The following MTSS1 variants were observed in gnomAD, a reference collection of about 807,000 sequenced individuals.
MTSS1 encodes the protein MTSS I-BAR domain containing 1.
In MTSS1, 18 loss-of-function variants were observed where a neutral mutation model predicts 79.0. The observed-to-expected ratio is 0.23, with a 90% confidence interval of 0.16 to 0.34. The LOEUF is 0.34. Among genes scored for constraint, MTSS1 ranks in the 10% least tolerant of loss-of-function variants. The probability of loss-of-function intolerance (pLI) is 1.00; values close to 1 mark genes in which losing one functional copy is unlikely to be tolerated. For synonymous variants in MTSS1, 341 were observed against 368.6 expected (o/e 0.93, Z 0.86); for missense variants, 815 against 986.2 (o/e 0.83, Z 2.33).
intron 3 of MTSS1, among the ~76,000 whole-genome samples, chr8:124,647,260 CTAGATT>C (rs1819167625): frequency 6.6e-6 from 1 of 152,130 alleles, no homozygotes; most frequent in South Asian, 2.1e-4. Context: ...TTGGATACAT[CTAGATT>C]TAGAGTTTTT....
chr8:124,661,617 G>A (rs1055364918), intron 3 of MTSS1, among the ~76,000 whole-genome samples: 7 of 152,176 alleles, frequency 4.6e-5, no homozygotes, highest in African/African-American at 1.7e-4. Context: ...GGAGAGGCAC[G>A]AAGCAGAGCC....
At chr8:124,603,883 A>G (rs1172217678) in intron 3 of MTSS1, among the ~76,000 whole-genome samples, 1 of 152,190 alleles carries the variant, frequency 6.6e-6, no homozygotes, top group Non-Finnish European at 1.5e-5. Flanking sequence ...GGTGTGTCCA[A>G]TCTTTTGGCT....
At chr8:124,712,690 T>A (rs1831344372) in intron 1 of MTSS1, among the ~76,000 whole-genome samples, 1 of 152,182 alleles carries the variant, frequency 6.6e-6, no homozygotes, top group Non-Finnish European at 1.5e-5. Context: ...TCCCTGTCCA[T>A]CAAGCGGATG....
chr8:124,686,476 G>C (rs1246639843), intron 3 of MTSS1, among the ~76,000 whole-genome samples: 1 of 152,128 alleles, frequency 6.6e-6, no homozygotes, highest in Admixed American at 6.6e-5. Context: ...ATGAAACAAT[G>C]CATGGACTGT....
chr8:124,725,097 C>G (rs1449702038), intron 1 of MTSS1, among the ~76,000 whole-genome samples: 1 of 152,202 alleles, frequency 6.6e-6, no homozygotes, highest in Admixed American at 6.5e-5. Flanking sequence ...ACCAGGCTTC[C>G]TCTCGTCAAG....
intron 1 of MTSS1, among the ~76,000 whole-genome samples, chr8:124,707,322 G>T (rs1358176771): frequency 6.7e-5 from 7 of 104,200 alleles, no homozygotes; most frequent in African/African-American, 2.3e-4. Context: ...TGAGGCAGGA[G>T]GATCACTTGA....
intron 3 of MTSS1, among the ~76,000 whole-genome samples, chr8:124,638,977 T>C (rs548902261): frequency 2.6e-5 from 4 of 152,202 alleles, no homozygotes; most frequent in Non-Finnish European, 4.4e-5. Context: ...TTACTACACA[T>C]TGTCACAACA....
chr8:124,696,640 C>G (rs1564013396), intron 3 of MTSS1, among the ~76,000 whole-genome samples: 1 of 152,074 alleles, frequency 6.6e-6, no homozygotes, highest in African/African-American at 2.4e-5. Context: ...ATCATGAGGT[C>G]AGGAGTTCGA....
At chr8:124,609,679 C>T (rs1029580505) in intron 3 of MTSS1, among the ~76,000 whole-genome samples, 1 of 152,182 alleles carries the variant, frequency 6.6e-6, no homozygotes, top group Non-Finnish European at 1.5e-5. Context: ...TACTGCTCCA[C>T]GGGCCTGTGT....
intron 3 of MTSS1, among the ~76,000 whole-genome samples, chr8:124,666,603 A>C (rs1472538851): frequency 6.6e-6 from 1 of 152,174 alleles, no homozygotes; most frequent in African/African-American, 2.4e-5. Flanking sequence ...CTGAGTGACT[A>C]TGTACCTTTC....
Position 124,553,152 on chromosome 8 carries a change from G to T in MTSS1, c.2108C>A (p.Pro703Gln), listed in dbSNP as rs138145251. 8.4e-4 allele frequency: 1,349 copies of T among 1,614,172 alleles called. 12 individuals are homozygous for T. The African/African-American group carries it at 0.014, about 17-fold the overall frequency. ...SEAEDQEREP[P>Q]SATVSPGQIP... The stretch of plus-strand genomic sequence containing the variant: ...CTGGCCTGGGGAGACAGTGGCACTT[G>T]GGGGTTCCCGTTCCTGGTCTTCAGC... Residue 703 changes from proline (P) to glutamine (Q), a missense_variant, in exon 14 of 14, where the codon CCA (proline) becomes CAA (glutamine). Physicochemically the swap from Pro to Gln is moderately conservative, Grantham distance 76 (BLOSUM62 -1). Transcript: ENST00000518547. The surrounding 1 kb of genome is among the most constrained non-coding windows in gnomAD (Gnocchi z 6.0).
intron 3 of MTSS1, among the ~76,000 whole-genome samples, chr8:124,645,219 A>G (rs1216329159): frequency 6.6e-6 from 1 of 152,064 alleles, no homozygotes; most frequent in Non-Finnish European, 1.5e-5. Context: ...AAACAAAAAC[A>G]AAAACGAAAA....
At chr8:124,602,707 G>A (rs1300615673) in intron 3 of MTSS1, among the ~76,000 whole-genome samples, 1 of 152,178 alleles carries the variant, frequency 6.6e-6, no homozygotes, top group Non-Finnish European at 1.5e-5. Flanking sequence ...ACCTCGGCTA[G>A]AGGTGGGTAC....
At chr8:124,650,732 G>C (rs986828629) in intron 3 of MTSS1, among the ~76,000 whole-genome samples, 1 of 152,204 alleles carries the variant, frequency 6.6e-6, no homozygotes, top group African/African-American at 2.4e-5. Context: ...GGAAACTGAA[G>C]CTGAGAATGA....
intron 3 of MTSS1, chr8:124,619,506 C>A (rs929178161): frequency 1.3e-5 from 2 of 152,360 alleles, no homozygotes; most frequent in African/African-American, 4.8e-5. Context: ...GGGCTCCCCT[C>A]TCTTGCACGG....
At chr8:124,648,514 C>T (rs1456283210) in intron 3 of MTSS1, among the ~76,000 whole-genome samples, 1 of 152,126 alleles carries the variant, frequency 6.6e-6, no homozygotes, top group Non-Finnish European at 1.5e-5. Flanking sequence ...CCCATCACAG[C>T]TCCTTAGTAG....
intron 3 of MTSS1, among the ~76,000 whole-genome samples, chr8:124,636,462 T>C (rs1320911055): frequency 1.3e-5 from 2 of 152,208 alleles, no homozygotes; most frequent in East Asian, 1.9e-4. Flanking sequence ...ATTTTCTAAA[T>C]GTGTTTGAGA....
rs1261885543 is a variant in MTSS1, at chr8:124,562,478, G to C, written c.1035+304C>G. On this transcript the variant is annotated intron_variant, in intron 10 of 13. Transcript: ENST00000518547. The stretch of plus-strand genomic sequence containing the variant: ...TAATTATAGCATTTAATTATGCCAA[G>C]CTGGGCACTTACAGGGACGCCTGAG... Among the ~76,000 whole-genome samples the C allele has an allele frequency of 2.0e-5, 3 of 151,686 alleles. No individual in the cohort carries two copies. The South Asian group carries it at 6.3e-4, about 32-fold the overall frequency.
intron 8 of MTSS1, among the ~76,000 whole-genome samples, chr8:124,566,398 T>C (rs920097162): frequency 6.6e-6 from 1 of 152,130 alleles, no homozygotes; most frequent in African/African-American, 2.4e-5. Flanking sequence ...TTTGATAGAA[T>C]AGAAAACATG....
Sources: gnomAD v4.1 joint callset for allele counts (sites outside exome capture counted in the v4.1 genomes callset) on GRCh38, gnomAD v4.1.1 for gene constraint, Gnocchi (gnomAD v3.1) non-coding constraint, MANE v1.5 for transcripts, NCBI Gene and HGNC (gene_info 2026-07-23, HGNC 2026-07-21) for gene names.